Variants in TENM4 observed in about 807,000 individuals in gnomAD.
TENM4 encodes the protein teneurin transmembrane protein 4.
A neutral mutation model predicts 243.3 loss-of-function variants in TENM4; 82 were observed. That is an observed-to-expected ratio of 0.34 (90% confidence interval 0.28 to 0.40). TENM4 has a LOEUF of 0.40. Ranked by LOEUF, TENM4 falls within the 10% of genes least tolerant of loss-of-function variation. TENM4 has a pLI of 1.00. For synonymous variants in TENM4, 1,412 were observed against 1,456.3 expected, an observed-to-expected ratio of 0.97 and a Z score of 0.69; for missense variants, 3,138 against 3,673.3, an observed-to-expected ratio of 0.85 and a Z score of 3.77.
intron 1 of TENM4, among the ~76,000 whole-genome samples, chr11:79,423,967 T>C (rs1385765579): frequency 1.3e-5 from 2 of 152,214 alleles, no homozygotes; most frequent in African/African-American, 4.8e-5. Flanking sequence ...CAGATGTGTC[T>C]GTCTACTTTG....
chr11:78,670,982 C>G (rs150999423), intron 31 of TENM4, among the ~76,000 whole-genome samples: 102 of 152,328 alleles, frequency 6.7e-4, no homozygotes, highest in African/African-American at 2.4e-3. Context: ...CTTCCTTGCC[C>G]CAGACTTCTC....
At chr11:79,413,631 T>C (rs1858748850) in intron 1 of TENM4, among the ~76,000 whole-genome samples, 1 of 152,080 alleles carries the variant, frequency 6.6e-6, no homozygotes, top group African/African-American at 2.4e-5. Flanking sequence ...TGGTTCAACA[T>C]ACCAACCAAA....
In TENM4 at chr11:78,702,169, A is replaced by G. The variant is rs1164175109; in HGVS notation, c.4444T>C (p.Tyr1482His). Residue 1482 changes from tyrosine to histidine, a missense_variant, in exon 28 of 34, where the codon TAT (tyrosine) becomes CAT (histidine). Physicochemically the swap from Tyr to His is moderately conservative, Grantham distance 83. Around this residue, in one of 2 missense-constraint regions of TENM4, gnomAD observed 2,467 missense variants for 3,059.1 expected, o/e 0.81. Coordinates refer to ENST00000278550, the MANE Select transcript of TENM4 (RefSeq NM_001098816.3). Reference protein sequence around the residue: ...ALAVSHNGVLYIAETDEKKIN... With the variant: ...ALAVSHNGVLHIAETDEKKIN... ...TTTTTCTCATCAGTCTCAGCAATATACAGGACCCCATTGTGTGAAACAGCC... is the reference window on the plus strand; with the variant it reads ...TTTTTCTCATCAGTCTCAGCAATATGCAGGACCCCATTGTGTGAAACAGCC... The G allele has an allele frequency of 6.2e-7, 1 of 1,613,946 alleles. No homozygotes were observed. Among genetic ancestry groups the G allele is most frequent in the Non-Finnish European group, 8.5e-7 (1 of 1,179,886 alleles).
At chr11:79,224,332 C>T (rs924848125) in intron 2 of TENM4, among the ~76,000 whole-genome samples, 2 of 152,094 alleles carry the variant, frequency 1.3e-5, no homozygotes, top group Non-Finnish European at 1.5e-5. Context: ...TCGTTCCAGA[C>T]CCGGTTTCTT....
chr11:78,884,766 GA>G (rs1436163191), intron 9 of TENM4, among the ~76,000 whole-genome samples: 23 of 152,210 alleles, frequency 1.5e-4, no homozygotes, highest in African/African-American at 5.1e-4. Context: ...GCTCAAAAGA[GA>G]AAATAATTCG....
intron 23 of TENM4, 53 bp downstream of exon 23, chr11:78,726,026 T>G: frequency 1.2e-6 from 2 of 1,604,764 alleles, no homozygotes; most frequent in Middle Eastern, 1.7e-4. Flanking sequence ...ACAAGGGATA[T>G]GAGACAAGGT....
chr11:79,206,204 C>G (rs1282908742), intron 3 of TENM4, among the ~76,000 whole-genome samples: 1 of 152,178 alleles, frequency 6.6e-6, no homozygotes, highest in African/African-American at 2.4e-5. Flanking sequence ...GTCAGGACAT[C>G]TAGAAATGCC....
chr11:78,966,979 TGA>T (rs1173961575), intron 6 of TENM4, among the ~76,000 whole-genome samples: 2 of 152,328 alleles, frequency 1.3e-5, no homozygotes, highest in East Asian at 3.9e-4. Flanking sequence ...GTTTTGCCTC[TGA>T]GCTTTTGCAC....
intron 1 of TENM4, among the ~76,000 whole-genome samples, chr11:79,399,068 G>C (rs538846187): frequency 6.6e-6 from 1 of 152,130 alleles, no homozygotes; most frequent in African/African-American, 2.4e-5. Context: ...TATTCAGCAG[G>C]GAGATGTCAC....
At chr11:79,347,924 C>T (rs1358279094) in intron 1 of TENM4, among the ~76,000 whole-genome samples, 2 of 151,840 alleles carry the variant, frequency 1.3e-5, no homozygotes, top group African/African-American at 2.4e-5. Flanking sequence ...GGACTACAGG[C>T]GCCCGCCACC....
chr11:78,742,026 G>C (rs1240488666), intron 19 of TENM4, among the ~76,000 whole-genome samples: 5 of 152,112 alleles, frequency 3.3e-5, no homozygotes, highest in African/African-American at 1.2e-4. Flanking sequence ...ACCTCAGTAA[G>C]GTTGTCATCA....
chr11:79,366,149 A>G (rs12576775), intron 1 of TENM4, among the ~76,000 whole-genome samples: 22,372 of 151,918 alleles, frequency 0.15, 1,727 homozygotes, highest in Non-Finnish European at 0.17. Flanking sequence ...TTTCCACGAG[A>G]CCTCCCCACA....
At chr11:79,102,624 G>C (rs374295659) in intron 4 of TENM4, among the ~76,000 whole-genome samples, 1 of 152,218 alleles carries the variant, frequency 6.6e-6, no homozygotes, top group African/African-American at 2.4e-5. Flanking sequence ...CTTGCACACC[G>C]TAAGCACCAT....
rs1343671939 is a variant in TENM4, at chr11:78,688,038, C to G, written c.5260+16G>C. 3 of 1,612,236 alleles carry G rather than the reference C, an allele frequency of 1.9e-6. No homozygotes were observed. In the East Asian group the frequency reaches 6.7e-5, roughly 36 times the overall value. On this transcript the variant is annotated intron_variant, in intron 29 of 33. Coordinates refer to ENST00000278550, the MANE Select transcript of TENM4 (RefSeq NM_001098816.3). ...ACCCCTCTGCCTCAAAGTCCCCTGG[C>G]CCCCACCTGACTTACCTTGCAGCAG...
intron 6 of TENM4, among the ~76,000 whole-genome samples, chr11:78,997,254 T>A (rs1858199216): frequency 1.3e-5 from 2 of 152,204 alleles, no homozygotes; most frequent in Admixed American, 6.5e-5. Context: ...GTTCTCTCCA[T>A]GAGACTGTGA....
chr11:79,281,844 G>A (rs899117559), intron 2 of TENM4, among the ~76,000 whole-genome samples: 1 of 152,194 alleles, frequency 6.6e-6, no homozygotes, highest in South Asian at 2.1e-4. Context: ...CACAAAGCAG[G>A]TCCTTTAAGG....
In TENM4 at chr11:79,172,206, G is replaced by A. The variant is rs527800802; in HGVS notation, c.-162-23400C>T. ...TGGCTCAAATGATCCTCCAGCCTCGGCCTCCCAAAATGCTGGGATCACAGG... is the reference window on the plus strand; with the variant it reads ...TGGCTCAAATGATCCTCCAGCCTCGACCTCCCAAAATGCTGGGATCACAGG... On this transcript the variant is annotated intron_variant, in intron 3 of 33. Coordinates refer to ENST00000278550, the MANE Select transcript of TENM4 (RefSeq NM_001098816.3). Among the ~76,000 whole-genome samples the A allele has an allele frequency of 4.6e-5, 7 of 152,100 alleles. No individual in the cohort carries two copies. The South Asian group carries it at 1.5e-3, about 32-fold the overall frequency.
chr11:79,148,328 G>C (rs1045025216), intron 4 of TENM4, among the ~76,000 whole-genome samples: 8 of 152,076 alleles, frequency 5.3e-5, no homozygotes, highest in Non-Finnish European at 1.2e-4. Flanking sequence ...CCAGATTATG[G>C]GAGAGCTCTA....
At chr11:79,006,257 T>C (rs1858483344) in intron 6 of TENM4, among the ~76,000 whole-genome samples, 1 of 152,094 alleles carries the variant, frequency 6.6e-6, no homozygotes, top group South Asian at 2.1e-4. Context: ...CAGTTAGAAA[T>C]TGCAACCCCA....
Sources: gnomAD v4.1 joint callset for allele counts (sites outside exome capture counted in the v4.1 genomes callset) on GRCh38, gnomAD v4.1.1 for gene constraint, gnomAD v4.1.1 regional missense constraint, MANE v1.5 for transcripts, NCBI Gene and HGNC (gene_info 2026-07-23, HGNC 2026-07-21) for gene names.